C8orf89: variants seen among roughly 807,000 people sequenced by gnomAD.
The protein encoded by C8orf89 is putative uncharacterized protein C8orf89.
Under a neutral mutation model 15.8 loss-of-function variants are expected in C8orf89, and 14 were observed. That is an observed-to-expected ratio of 0.89 (90% CI 0.59 to 1.39). C8orf89 has a LOEUF of 1.39. Among genes scored for constraint, C8orf89 ranks in the 40% most tolerant of loss-of-function variants. The probability of loss-of-function intolerance (pLI) is 0.00; values close to 1 mark genes in which losing one functional copy is unlikely to be tolerated. For missense variants in C8orf89, 181 were observed against 184.5 expected, an observed-to-expected ratio of 0.98 and a Z score of 0.11; for synonymous variants, 55 against 62.2, an observed-to-expected ratio of 0.88 and a Z score of 0.54.
the C8orf89 span, chr8:73,277,519 C>A: frequency 1.0e-5 from 8 of 772,678 alleles, no homozygotes; most frequent in African/African-American, 5.2e-5. Context: ...GAGGATGAAG[C>A]CTTCTCCTTC....
upstream of C8orf89, chr8:73,259,611 A>G (rs376559292): frequency 2.6e-4 from 119 of 455,020 alleles, 1 homozygote; most frequent in South Asian, 7.7e-3. Context: ...GAATTCTTTC[A>G]AATTCCAGGT....
the C8orf89 span, among the ~76,000 whole-genome samples, chr8:73,265,318 G>A: frequency 6.6e-6 from 1 of 152,292 alleles, no homozygotes; most frequent in East Asian, 1.9e-4. Context: ...AGGTATTTTA[G>A]GGCTTTATAA....
intron 2 of C8orf89, among the ~76,000 whole-genome samples, chr8:73,254,913 A>C (rs904852678): frequency 6.6e-6 from 1 of 152,236 alleles, no homozygotes; most frequent in African/African-American, 2.4e-5. Flanking sequence ...CTGGCTAGCC[A>C]TATGTAGAAA....
intron 2 of C8orf89, among the ~76,000 whole-genome samples, chr8:73,252,316 G>A (rs987004949): frequency 6.6e-6 from 1 of 152,172 alleles, no homozygotes; most frequent in Non-Finnish European, 1.5e-5. Context: ...ATATAATGTG[G>A]TTGGTAAGAC....
At chr8:73,246,401 CAG>C (rs1261127970) in intron 3 of C8orf89, among the ~76,000 whole-genome samples, 4 of 152,134 alleles carry the variant, frequency 2.6e-5, no homozygotes, top group Non-Finnish European at 4.4e-5. Flanking sequence ...TTGTTTGAGA[CAG>C]AGTCTCGCTC....
chr8:73,284,255 T>C, the C8orf89 span, among the ~76,000 whole-genome samples: 4 of 122,002 alleles, frequency 3.3e-5, no homozygotes, highest in Non-Finnish European at 4.8e-5. Flanking sequence ...ACTCTGTCAC[T>C]CAGGCTGGTG....
chr8:73,256,130 AAATAATAATAAT>A (rs71268002), intron 2 of C8orf89, among the ~76,000 whole-genome samples: 3 of 147,980 alleles, frequency 2.0e-5, no homozygotes, highest in Non-Finnish European at 4.5e-5. Context: ...AATAAATAAC[AAATAATAATAAT>A]AATAATAATA....
At chr8:73,248,515 A>G (rs527278903) in intron 3 of C8orf89, among the ~76,000 whole-genome samples, 2 of 152,282 alleles carry the variant, frequency 1.3e-5, no homozygotes, top group Non-Finnish European at 2.9e-5. Context: ...CATTGAATCT[A>G]TAAATTGCTT....
chr8:73,258,177 C>T (rs989215857), intron 1 of C8orf89, among the ~76,000 whole-genome samples: 40 of 151,910 alleles, frequency 2.6e-4, no homozygotes, highest in African/African-American at 8.7e-4. Context: ...TTTGGGAGTC[C>T]GAGGTGGGCA....
rs561306651 is a variant in C8orf89, at chr8:73,242,531, G to A, written c.338-926C>T. 1.3e-4 allele frequency among the ~76,000 whole-genome samples: 20 copies of A among 152,212 alleles called. 1 individual carries two copies. The South Asian group carries it at 3.7e-3, about 28-fold the overall frequency. Reference sequence around the variant, plus strand: ...ATAGACATTTCTGAAAAGAAGACACGCAAACAGCAAACAGGCATATGAAAT... The same window carrying A: ...ATAGACATTTCTGAAAAGAAGACACACAAACAGCAAACAGGCATATGAAAT... On this transcript the variant is annotated intron_variant, in intron 3 of 3. Coordinates refer to ENST00000624510, the MANE Select transcript of C8orf89 (RefSeq NM_001243237.3).
intron 3 of C8orf89, among the ~76,000 whole-genome samples, chr8:73,246,708 A>G (rs1293124608): frequency 6.6e-6 from 1 of 152,116 alleles, no homozygotes; most frequent in Non-Finnish European, 1.5e-5. Flanking sequence ...TAACATTTAT[A>G]TTTTTATTTT....
chr8:73,278,681 A>G, the C8orf89 span, among the ~76,000 whole-genome samples: 2 of 152,342 alleles, frequency 1.3e-5, no homozygotes, highest in Admixed American at 6.5e-5. Context: ...TGAGAAGCCC[A>G]ATACTGTTCT....
In C8orf89 at chr8:73,250,250, A is replaced by G; in HGVS notation, c.337+18T>C. The G allele has an allele frequency of 6.6e-7, 1 of 1,523,578 alleles. No individual in the cohort carries two copies. The highest frequency in any genetic ancestry group is 1.2e-5 in the South Asian group (1 of 82,844). 94.4% of individuals were successfully genotyped at this position (1,523,578 alleles called of 1,614,324 possible). A position where few individuals can be genotyped will look rare whatever the true frequency, so the allele number is the denominator to read the frequency against. ...GACACCCAAGAGAGGTAGTAGAAAA[A>G]AGGACGAGTCAGCTTACCTTTTGAT... On this transcript the variant is annotated intron_variant, in intron 3 of 3. Coordinates refer to ENST00000624510, the MANE Select transcript of C8orf89 (RefSeq NM_001243237.3).
the C8orf89 span, among the ~76,000 whole-genome samples, chr8:73,284,402 CG>C: frequency 6.6e-6 from 1 of 151,714 alleles, no homozygotes; most frequent in Non-Finnish European, 1.5e-5. Flanking sequence ...TTAGTGGAGA[CG>C]GGGTTTCACC....
chr8:73,278,782 C>T, the C8orf89 span, among the ~76,000 whole-genome samples: 1 of 152,134 alleles, frequency 6.6e-6, no homozygotes, highest in Non-Finnish European at 1.5e-5. Flanking sequence ...TAAACCCTTT[C>T]CTATCAATAG....
At chr8:73,276,804 C>CTTTTTT in the C8orf89 span, among the ~76,000 whole-genome samples, 2 of 71,352 alleles carry the variant, frequency 2.8e-5, no homozygotes, top group African/African-American at 9.4e-5. Flanking sequence ...GCACAGCAGT[C>CTTTTTT]ATTTTTTTTT....
At chr8:73,269,281 G>A in the C8orf89 span, among the ~76,000 whole-genome samples, 1 of 152,136 alleles carries the variant, frequency 6.6e-6, no homozygotes, top group Non-Finnish European at 1.5e-5. Flanking sequence ...TAGAATTTGA[G>A]GAAAAGTGAT....
chr8:73,253,398 A>G (rs938468478), intron 2 of C8orf89, among the ~76,000 whole-genome samples: 1 of 152,192 alleles, frequency 6.6e-6, no homozygotes, highest in Non-Finnish European at 1.5e-5. Context: ...CTTTTGGCTT[A>G]GGATTGACTT....
the C8orf89 span, chr8:73,277,526 C>A: frequency 2.6e-5 from 20 of 772,750 alleles, no homozygotes; most frequent in Non-Finnish European, 4.5e-5. Flanking sequence ...AAGCCTTCTC[C>A]TTCCAGGTTT....
Sources: allele counts gnomAD v4.1 joint callset (sites outside exome capture counted in the v4.1 genomes callset), GRCh38; gene constraint gnomAD v4.1.1; transcripts MANE v1.5; gene names NCBI Gene and HGNC (gene_info 2026-07-23, HGNC 2026-07-21).